FRMD6: variants seen among roughly 807,000 people sequenced by gnomAD.
The protein encoded by FRMD6 is FERM domain-containing protein 6.
FRMD6 carries 37 observed loss-of-function variants against 73.2 expected under a neutral mutation model. The observed-to-expected ratio is 0.51, with a 90% CI of 0.39 to 0.66. FRMD6 has a LOEUF of 0.66. FRMD6 is among the 30% of genes least tolerant of loss of function. The pLI, the probability that FRMD6 is intolerant of heterozygous loss-of-function variation, is 0.00. For missense variants in FRMD6, 714 were observed against 780.5 expected (o/e 0.91, Z 1.02); for synonymous variants, 273 against 282.2 (o/e 0.97, Z 0.33).
intron 1 of FRMD6, among the ~76,000 whole-genome samples, chr14:51,492,208 C>G (rs1036996210): frequency 6.6e-6 from 1 of 152,112 alleles, no homozygotes; most frequent in Non-Finnish European, 1.5e-5. Flanking sequence ...TACCTAGAAC[C>G]AAGAGTTCTC....
the FRMD6 span, among the ~76,000 whole-genome samples, chr14:51,397,862 G>A: frequency 6.6e-6 from 1 of 152,106 alleles, no homozygotes; most frequent in African/African-American, 2.4e-5. Context: ...AAACATAAAT[G>A]AATTTTTTGT....
the FRMD6 span, among the ~76,000 whole-genome samples, chr14:51,476,029 G>T: frequency 6.6e-6 from 1 of 152,144 alleles, no homozygotes. Context: ...CCCTGGGGCT[G>T]CCCTGGCCAG....
At chr14:51,662,006 G>T (rs1030857431) in intron 1 of FRMD6, among the ~76,000 whole-genome samples, 2 of 152,090 alleles carry the variant, frequency 1.3e-5, no homozygotes, top group African/African-American at 4.8e-5. Context: ...TATTGGTAGG[G>T]GTAGGGCTCT....
chr14:51,693,192 A>G (rs1263122886), intron 2 of FRMD6, among the ~76,000 whole-genome samples: 1 of 152,220 alleles, frequency 6.6e-6, no homozygotes, highest in Non-Finnish European at 1.5e-5. Flanking sequence ...CAGCCTCAAC[A>G]TCTTCACCTT....
chr14:51,574,561 A>G (rs1566477767), intron 2 of FRMD6, among the ~76,000 whole-genome samples: 2 of 152,236 alleles, frequency 1.3e-5, no homozygotes, highest in African/African-American at 4.8e-5. Flanking sequence ...AAAACAAGCC[A>G]GGCACAGGAA....
intron 1 of FRMD6, among the ~76,000 whole-genome samples, chr14:51,506,880 G>A (rs1431038783): frequency 6.6e-6 from 1 of 151,996 alleles, no homozygotes; most frequent in African/African-American, 2.4e-5. Flanking sequence ...TAACATGGAA[G>A]GATAATATTT....
chr14:51,576,419 G>A (rs906852129), intron 2 of FRMD6, among the ~76,000 whole-genome samples: 17 of 152,316 alleles, frequency 1.1e-4, no homozygotes, highest in Admixed American at 5.2e-4. Context: ...AACGTAGTTT[G>A]CCCAGGCAGT....
intron 1 of FRMD6, among the ~76,000 whole-genome samples, chr14:51,510,982 TC>T (rs1373616576): frequency 1.3e-5 from 2 of 151,926 alleles, no homozygotes; most frequent in Non-Finnish European, 2.9e-5. Flanking sequence ...TTTCTTTCGC[TC>T]CCCGCCCCCG....
the FRMD6 span, among the ~76,000 whole-genome samples, chr14:51,433,505 A>T: frequency 6.6e-6 from 1 of 152,262 alleles, no homozygotes; most frequent in Admixed American, 6.5e-5. Flanking sequence ...CTCATATCAT[A>T]CTAAATACAT....
upstream of FRMD6, among the ~76,000 whole-genome samples, chr14:51,486,729 T>C (rs1882767938): frequency 6.6e-6 from 1 of 152,200 alleles, no homozygotes; most frequent in Non-Finnish European, 1.5e-5. Flanking sequence ...AAATTCTGGT[T>C]GTGGGTATGC....
intron 2 of FRMD6, among the ~76,000 whole-genome samples, chr14:51,634,426 G>T (rs547410431): frequency 1.3e-5 from 2 of 152,124 alleles, no homozygotes; most frequent in African/African-American, 2.4e-5. Flanking sequence ...TCCTCTCTCC[G>T]AATTATCTCT....
intron 2 of FRMD6, among the ~76,000 whole-genome samples, chr14:51,630,219 C>T (rs1891283564): frequency 6.6e-6 from 1 of 152,030 alleles, no homozygotes; most frequent in Non-Finnish European, 1.5e-5. Context: ...CATTTGTTGA[C>T]TGCCCATATA....
chr14:51,496,973 A>G (rs11157827), intron 1 of FRMD6, among the ~76,000 whole-genome samples: 90,837 of 151,554 alleles, frequency 0.6, 27,423 homozygotes, highest in South Asian at 0.72. Context: ...CCCCCTGTTC[A>G]TTTCCTCTAA....
At chr14:51,473,709 C>A in the FRMD6 span, among the ~76,000 whole-genome samples, 1 of 152,160 alleles carries the variant, frequency 6.6e-6, no homozygotes, top group African/African-American at 2.4e-5. Context: ...ACTTTCTCCG[C>A]CTACCCCTTT....
At chr14:51,618,094 G>T (rs1890783995) in intron 2 of FRMD6, among the ~76,000 whole-genome samples, 1 of 152,138 alleles carries the variant, frequency 6.6e-6, no homozygotes, top group Admixed American at 6.5e-5. Context: ...AGATTGTGGT[G>T]AGGGTTTTGA....
chr14:51,667,993 A>G (rs1003594920), intron 1 of FRMD6, among the ~76,000 whole-genome samples: 2 of 152,216 alleles, frequency 1.3e-5, no homozygotes, highest in Admixed American at 1.3e-4. Flanking sequence ...AAAACCTAGC[A>G]GGGAAAGCTA....
the FRMD6 span, among the ~76,000 whole-genome samples, chr14:51,416,493 T>C: frequency 6.6e-6 from 1 of 152,224 alleles, no homozygotes; most frequent in Non-Finnish European, 1.5e-5. Context: ...TGAGTTCTAG[T>C]TTGATTGCAC....
At chr14:51,428,212 C>A in the FRMD6 span, among the ~76,000 whole-genome samples, 1 of 152,290 alleles carries the variant, frequency 6.6e-6, no homozygotes, top group South Asian at 2.1e-4. Flanking sequence ...GTGATTCCAA[C>A]CCTGACTATG....
chr14:51,497,234 CTT>C (rs540369904), intron 1 of FRMD6, among the ~76,000 whole-genome samples: 16 of 137,832 alleles, frequency 1.2e-4, no homozygotes, highest in Admixed American at 2.2e-4. Context: ...TCTGAAATAA[CTT>C]TTTTTTTTTT....
Sources: gnomAD v4.1 joint callset for allele counts (sites outside exome capture counted in the v4.1 genomes callset) on GRCh38, gnomAD v4.1.1 for gene constraint, MANE v1.5 for transcripts, NCBI Gene and HGNC (gene_info 2026-07-23, HGNC 2026-07-21) for gene names.